The following CNTN5 variants were observed in gnomAD, a reference collection of about 807,000 sequenced individuals.
The protein encoded by CNTN5 is contactin 5.
A neutral mutation model predicts 129.1 loss-of-function variants in CNTN5; 77 were observed. The ratio of observed to expected loss-of-function variants is 0.60; its 90% confidence interval spans 0.50 to 0.72. The LOEUF is 0.72. Ranked by LOEUF, CNTN5 falls within the 30% of genes least tolerant of loss-of-function variation. CNTN5 has a pLI of 0.00. For synonymous variants in CNTN5, 509 were observed against 465.6 expected, an observed-to-expected ratio of 1.09 and a Z score of -1.20; for missense variants, 1,478 against 1,328.8, an observed-to-expected ratio of 1.11 and a Z score of -1.75.
intron 2 of CNTN5, among the ~76,000 whole-genome samples, chr11:99,490,841 G>C (rs1946007100): frequency 6.6e-6 from 1 of 152,000 alleles, no homozygotes; most frequent in Non-Finnish European, 1.5e-5. Context: ...AAATACTTCT[G>C]AGTCCCATGG....
chr11:99,807,793 C>G (rs1004588379), intron 3 of CNTN5, among the ~76,000 whole-genome samples: 1 of 152,120 alleles, frequency 6.6e-6, no homozygotes, highest in African/African-American at 2.4e-5. Context: ...CTCCATAAAT[C>G]AAATGAAGAT....
chr11:100,323,917 C>T (rs1203105830), intron 21 of CNTN5, among the ~76,000 whole-genome samples: 1 of 152,102 alleles, frequency 6.6e-6, no homozygotes, highest in Non-Finnish European at 1.5e-5. Context: ...CTCTTCCCAG[C>T]ATCTCATACA....
At chr11:99,546,771 A>C (rs989548760) in intron 2 of CNTN5, among the ~76,000 whole-genome samples, 2 of 151,864 alleles carry the variant, frequency 1.3e-5, no homozygotes, top group African/African-American at 4.8e-5. Context: ...ATCTCCTACC[A>C]CTTACTCCTG....
chr11:99,727,475 T>C (rs1258939494), intron 3 of CNTN5, among the ~76,000 whole-genome samples: 1 of 152,008 alleles, frequency 6.6e-6, no homozygotes, highest in African/African-American at 2.4e-5. Flanking sequence ...ACCTTATCAC[T>C]AAATATAATT....
At chr11:100,309,049 G>A (rs1777699280) in intron 21 of CNTN5, 6 of 985,064 alleles carry the variant, frequency 6.1e-6, no homozygotes, top group Non-Finnish European at 7.2e-6. Flanking sequence ...CAGATTGTGA[G>A]TAGTCTGTGA....
chr11:99,486,207 A>T (rs1490579371), intron 2 of CNTN5, among the ~76,000 whole-genome samples: 2 of 152,102 alleles, frequency 1.3e-5, no homozygotes, highest in Non-Finnish European at 2.9e-5. Flanking sequence ...TGTCTAGACC[A>T]AGTTGATGTC....
chr11:99,788,655 T>C (rs1168477351), intron 3 of CNTN5, among the ~76,000 whole-genome samples: 1 of 151,886 alleles, frequency 6.6e-6, no homozygotes, highest in Admixed American at 6.6e-5. Context: ...TTATTATATA[T>C]GCAGAGTGTG....
chr11:99,121,162 T>C (rs1858305609), intron 1 of CNTN5, among the ~76,000 whole-genome samples: 1 of 147,500 alleles, frequency 6.8e-6, no homozygotes. Context: ...TGAGATCGAG[T>C]CTCACTCTGT....
In CNTN5 at chr11:99,754,651, G is replaced by A. The variant is rs1026795828; in HGVS notation, c.56-64893G>A. Among the ~76,000 whole-genome samples the A allele has an allele frequency of 3.9e-5, 6 of 152,236 alleles. 1 individual carries two copies. The highest frequency in any genetic ancestry group is 6.8e-3 in the Middle Eastern group (2 of 294). On this transcript the variant is annotated intron_variant, in intron 3 of 24. Coordinates refer to ENST00000524871, the MANE Select transcript of CNTN5 (RefSeq NM_014361.4). ...TCACAGCAAAATTAAGTGGAAGGTAGAAGAGTACTCATTTACTTCCTGCCT... is the reference window on the plus strand; with the variant it reads ...TCACAGCAAAATTAAGTGGAAGGTAAAAGAGTACTCATTTACTTCCTGCCT...
At chr11:100,220,184 G>A (rs1949231708) in intron 15 of CNTN5, among the ~76,000 whole-genome samples, 2 of 151,982 alleles carry the variant, frequency 1.3e-5, no homozygotes, top group African/African-American at 4.8e-5. Context: ...GGCTAAGGCA[G>A]GAGAATGGTG....
intron 3 of CNTN5, among the ~76,000 whole-genome samples, chr11:99,667,819 C>T (rs1952856848): frequency 1.3e-5 from 2 of 152,076 alleles, no homozygotes; most frequent in African/African-American, 4.8e-5. Flanking sequence ...GGGGAAGGAA[C>T]TTAGAGGATG....
chr11:99,358,254 G>GGTTTTTTTTTTTTTTTTTT (rs1938837823), intron 2 of CNTN5, among the ~76,000 whole-genome samples: 1 of 4,818 alleles, frequency 2.1e-4, no homozygotes. Flanking sequence ...ACGCCCTGCT[G>GGTTTTTTTTTTTTTTTTTT]ATTTTTTTTT....
chr11:100,278,032 A>G (rs1318755874), intron 18 of CNTN5, among the ~76,000 whole-genome samples: 2 of 152,066 alleles, frequency 1.3e-5, no homozygotes, highest in Non-Finnish European at 2.9e-5. Flanking sequence ...ACATGTAGCT[A>G]TCCAGTTTTC....
chr11:99,939,854 C>G (rs1342713834), intron 7 of CNTN5, among the ~76,000 whole-genome samples: 1 of 152,070 alleles, frequency 6.6e-6, no homozygotes. Context: ...GAAGTAAAAT[C>G]ATGAAGGAGG....
At chr11:100,103,928 T>C (rs1403309853) in intron 13 of CNTN5, among the ~76,000 whole-genome samples, 2 of 152,116 alleles carry the variant, frequency 1.3e-5, no homozygotes, top group Non-Finnish European at 2.9e-5. Context: ...AATGTAAAGA[T>C]TGAAATTACG....
intron 8 of CNTN5, among the ~76,000 whole-genome samples, chr11:99,967,513 C>T (rs1193904716): frequency 1.3e-5 from 2 of 152,134 alleles, no homozygotes; most frequent in Non-Finnish European, 2.9e-5. Context: ...TGGGATTTGC[C>T]TGTCCTTGTT....
chr11:99,291,089 A>G (rs1864153534), intron 1 of CNTN5, among the ~76,000 whole-genome samples: 1 of 151,936 alleles, frequency 6.6e-6, no homozygotes. Context: ...ACAGGCATGA[A>G]AAATAATGGG....
At chr11:100,345,970 T>A (rs1417730646) in intron 23 of CNTN5, among the ~76,000 whole-genome samples, 1 of 152,186 alleles carries the variant, frequency 6.6e-6, no homozygotes, top group East Asian at 1.9e-4. Flanking sequence ...TTTGAGAAGC[T>A]GAATCCAATT....
chr11:99,254,339 G>C (rs1194683672), intron 1 of CNTN5, among the ~76,000 whole-genome samples: 1 of 151,892 alleles, frequency 6.6e-6, no homozygotes, highest in South Asian at 2.1e-4. Flanking sequence ...TCACGAAATA[G>C]GGTGAATTCT....
Sources: gnomAD v4.1 joint callset for allele counts (sites outside exome capture counted in the v4.1 genomes callset) on GRCh38, gnomAD v4.1.1 for gene constraint, MANE v1.5 for transcripts, NCBI Gene and HGNC (gene_info 2026-07-23, HGNC 2026-07-21) for gene names.